SREK1IP1: variants seen among roughly 807,000 people sequenced by gnomAD.
SREK1IP1 encodes the protein SREK1 interacting protein 1.
In SREK1IP1, 12 loss-of-function variants were observed where a neutral mutation model predicts 22.8. That is an observed-to-expected ratio of 0.53 (90% CI 0.34 to 0.85). The LOEUF is 0.85. SREK1IP1 is among the 40% of genes least tolerant of loss of function. SREK1IP1 has a pLI of 0.02. For synonymous variants in SREK1IP1, 53 were observed against 52.7 expected (o/e 1.01, Z -0.02); for missense variants, 147 against 171.8 (o/e 0.86, Z 0.81).
chr5:64,760,817 A>T (rs1742939053), intron 1 of SREK1IP1, among the ~76,000 whole-genome samples: 1 of 152,234 alleles, frequency 6.6e-6, no homozygotes, highest in Non-Finnish European at 1.5e-5. Flanking sequence ...GATATTAGAC[A>T]TACCTCTGTA....
At chr5:64,758,330 G>A (rs1024677355) in intron 1 of SREK1IP1, among the ~76,000 whole-genome samples, 10 of 152,022 alleles carry the variant, frequency 6.6e-5, no homozygotes, top group Admixed American at 1.3e-4. Context: ...CACCACACCC[G>A]GCTAATTTTT....
intron 2 of SREK1IP1, among the ~76,000 whole-genome samples, chr5:64,753,436 T>C (rs986404957): frequency 1.3e-5 from 2 of 152,234 alleles, no homozygotes; most frequent in Admixed American, 1.3e-4. Flanking sequence ...GTGAGTGATA[T>C]ATATAGTTAT....
At chr5:64,739,238 T>G (rs1380413723) in intron 3 of SREK1IP1, among the ~76,000 whole-genome samples, 1 of 152,180 alleles carries the variant, frequency 6.6e-6, no homozygotes, top group African/African-American at 2.4e-5. Context: ...GATATATGTC[T>G]GGGAACCAAA....
chr5:64,732,641 C>T (rs969222283), intron 3 of SREK1IP1, among the ~76,000 whole-genome samples: 1 of 152,110 alleles, frequency 6.6e-6, no homozygotes, highest in Non-Finnish European at 1.5e-5. Flanking sequence ...CTGATATACA[C>T]ATTTAATGCA....
At chr5:64,746,620 A>G (rs1742642593) in intron 2 of SREK1IP1, among the ~76,000 whole-genome samples, 1 of 152,238 alleles carries the variant, frequency 6.6e-6, no homozygotes, top group African/African-American at 2.4e-5. Flanking sequence ...AATGCAAATC[A>G]AAACCACAAT....
At chr5:64,756,727 C>G (rs910596356) in intron 1 of SREK1IP1, among the ~76,000 whole-genome samples, 1 of 151,760 alleles carries the variant, frequency 6.6e-6, no homozygotes, top group Admixed American at 6.6e-5. Context: ...CCCAGGTTCA[C>G]GCCATTCTCC....
chr5:64,726,908 C>T lies in SREK1IP1; in HGVS notation c.278+1199G>A, dbSNP rs542385941. 2.4e-4 allele frequency among the ~76,000 whole-genome samples: 36 copies of T among 152,262 alleles called. No individual in the cohort carries two copies. In the East Asian group the frequency reaches 6.8e-3, roughly 29 times the overall value. On this transcript the variant is annotated intron_variant, in intron 4 of 4. Coordinates refer to ENST00000513458, the MANE Select transcript of SREK1IP1 (RefSeq NM_173829.4). ...CATAAAGTTGAAAGATCATATCAAA[C>T]CACATAAATTGGGAACTATCTGTAT...
intron 3 of SREK1IP1, among the ~76,000 whole-genome samples, chr5:64,735,505 T>G (rs974489329): frequency 7.9e-5 from 12 of 152,136 alleles, no homozygotes; most frequent in African/African-American, 2.7e-4. Context: ...GGCATGAAGT[T>G]TGCTGAAAGT....
intron 3 of SREK1IP1, among the ~76,000 whole-genome samples, chr5:64,730,723 A>G (rs1742364101): frequency 6.6e-6 from 1 of 152,166 alleles, no homozygotes; most frequent in Non-Finnish European, 1.5e-5. Context: ...AAAGGTATAA[A>G]ATAAGTATGT....
At position 64,730,156 on chromosome 5, in the gene SREK1IP1, G is replaced by A. The variant is rs571420303; in HGVS notation, c.206-1977C>T. Reference sequence around the variant, plus strand: ...CTGACAAAGAAGGGCCACGGGGTTGGAAGAATACCAGAACCAAGAAGTAGG... The same window carrying A: ...CTGACAAAGAAGGGCCACGGGGTTGAAAGAATACCAGAACCAAGAAGTAGG... On this transcript the variant is annotated intron_variant, in intron 3 of 4. Coordinates refer to ENST00000513458, the MANE Select transcript of SREK1IP1 (RefSeq NM_173829.4). Among the ~76,000 whole-genome samples the A allele has an allele frequency of 2.6e-5, 4 of 152,276 alleles. No individual in the cohort carries two copies. The South Asian group carries it at 8.3e-4, about 32-fold the overall frequency.
At chr5:64,752,548 T>TA (rs534313890) in intron 2 of SREK1IP1, among the ~76,000 whole-genome samples, 1 of 152,102 alleles carries the variant, frequency 6.6e-6, no homozygotes, top group Non-Finnish European at 1.5e-5. Context: ...CTCAAAACTT[T>TA]AAAAAACAAT....
chr5:64,765,616 T>C (rs2112120459), intron 1 of SREK1IP1, among the ~76,000 whole-genome samples: 1 of 152,224 alleles, frequency 6.6e-6, no homozygotes, highest in Admixed American at 6.5e-5. Flanking sequence ...TCACACCTAT[T>C]ATCTCAATTA....
At chr5:64,749,059 CATAATAATAATA>C (rs58434271) in intron 2 of SREK1IP1, among the ~76,000 whole-genome samples, 6,344 of 131,574 alleles carry the variant, frequency 0.048, 422 homozygotes, top group African/African-American at 0.15. Flanking sequence ...AGCTATGCCA[CATAATAATAATA>C]ATAATAATAA....
At position 64,718,159 on chromosome 5, in the gene SREK1IP1, T is replaced by G. The variant is rs1216408671; in HGVS notation, c.*6225A>C. 6.3e-6 allele frequency: 4 copies of G among 634,330 alleles called. No individual in the cohort carries two copies. In the African/African-American group the frequency reaches 7.7e-5, roughly 12 times the overall value. The allele number at this position is 634,330 out of a possible 1,614,324, so 39.3% of individuals were successfully genotyped here. On this transcript the variant is annotated 3_prime_UTR_variant, in exon 5 of 5. Coordinates refer to ENST00000513458, the MANE Select transcript of SREK1IP1 (RefSeq NM_173829.4). ...AAGACACAGCTGCATTTTTGATCAT[T>G]CAGTTACTTTATTAAACGCACATTA...
chr5:64,718,934 T>G lies in SREK1IP1; in HGVS notation c.*5450A>C, dbSNP rs1258079032. On this transcript the variant is annotated 3_prime_UTR_variant, in exon 5 of 5. Transcript: ENST00000513458. ...ATGGCCATAGCCAAAAACTAGCATTTCAAAATGTGCTGAATACAGCTTCTC... is the reference window on the plus strand; with the variant it reads ...ATGGCCATAGCCAAAAACTAGCATTGCAAAATGTGCTGAATACAGCTTCTC... 6.6e-6 allele frequency: 1 copy of G among 152,194 alleles called. No homozygotes were observed. The highest frequency in any genetic ancestry group is 2.4e-5 in the African/African-American group (1 of 41,460). 9.4% of individuals were successfully genotyped at this position (152,194 alleles called of 1,614,324 possible).
At chr5:64,747,002 G>T (rs1742649637) in intron 2 of SREK1IP1, among the ~76,000 whole-genome samples, 1 of 152,156 alleles carries the variant, frequency 6.6e-6, no homozygotes, top group South Asian at 2.1e-4. Context: ...ATATAGCACG[G>T]AACTCAGAAC....
chr5:64,759,928 C>T (rs1390895790), intron 1 of SREK1IP1, among the ~76,000 whole-genome samples: 2 of 152,134 alleles, frequency 1.3e-5, no homozygotes, highest in African/African-American at 2.4e-5. Flanking sequence ...GCTGACAAAA[C>T]CTGTCAGAAT....
intron 2 of SREK1IP1, among the ~76,000 whole-genome samples, chr5:64,748,706 T>G (rs1742685878): frequency 6.6e-6 from 1 of 152,146 alleles, no homozygotes; most frequent in African/African-American, 2.4e-5. Context: ...ATTCATTTAA[T>G]TTACACAACT....
chr5:64,758,860 C>G (rs144120078), intron 1 of SREK1IP1, among the ~76,000 whole-genome samples: 184 of 152,298 alleles, frequency 1.2e-3, no homozygotes, highest in African/African-American at 4.3e-3. Context: ...GGAAATATAA[C>G]CAGAACTCTA....
Sources: allele counts gnomAD v4.1 joint callset (sites outside exome capture counted in the v4.1 genomes callset), GRCh38; gene constraint gnomAD v4.1.1; transcripts MANE v1.5; gene names NCBI Gene and HGNC (gene_info 2026-07-23, HGNC 2026-07-21).